The following DMD variants were observed in gnomAD, a reference collection of about 807,000 sequenced individuals.
DMD encodes the protein dystrophin, also known as mutant dystrophin.
In DMD, 63 loss-of-function variants were observed where a neutral mutation model predicts 330.1. That is an observed-to-expected ratio of 0.19 (90% confidence interval 0.16 to 0.24). The LOEUF is 0.24. Ranked by LOEUF, DMD falls within the 10% of genes least tolerant of loss-of-function variation. The probability of loss-of-function intolerance (pLI) is 1.00; values close to 1 mark genes in which losing one functional copy is unlikely to be tolerated. For synonymous variants in DMD, 1,223 were observed against 959.8 expected (o/e 1.27, Z -5.07); for missense variants, 3,344 against 2,684.1 (o/e 1.25, Z -5.43).
chrX:32,747,265 A>T (rs2070161661), intron 7 of DMD, among the ~76,000 whole-genome samples: 2 of 111,632 alleles, frequency 1.8e-5, no homozygotes, highest in Admixed American at 9.5e-5. Flanking sequence ...ATGTTTGGGA[A>T]ATATATTTTA....
chrX:31,616,294 T>C (rs1451443985), intron 55 of DMD, among the ~76,000 whole-genome samples: 1 of 111,738 alleles, frequency 8.9e-6, no homozygotes, highest in Non-Finnish European at 1.9e-5. Context: ...ATGGCTTTCC[T>C]TGAAAAGTAG....
At chrX:32,199,179 T>C (rs1459335142) in intron 44 of DMD, among the ~76,000 whole-genome samples, 1 of 111,802 alleles carries the variant, frequency 8.9e-6, no homozygotes, top group Non-Finnish European at 1.9e-5. Context: ...ATTCAATAAC[T>C]TCCATGGCCA....
intron 51 of DMD, among the ~76,000 whole-genome samples, chrX:31,763,311 C>A (rs1253108078): frequency 8.9e-6 from 1 of 112,381 alleles, no homozygotes; most frequent in African/African-American, 3.2e-5. Flanking sequence ...CGCCTGTAAT[C>A]CCCGCACTTT....
At chrX:31,559,640 C>CAAAAAAAAAAAAA (rs1167550498) in intron 55 of DMD, among the ~76,000 whole-genome samples, 19 of 21,636 alleles carry the variant, frequency 8.8e-4, no homozygotes, top group Non-Finnish European at 1.9e-3. Flanking sequence ...AACTCCGTCT[C>CAAAAAAAAAAAAA]AAAAAAAAAA....
In DMD at chrX:31,366,486, A is replaced by AT. The variant is rs1171389841; in HGVS notation, c.9085-17853_9085-17852insA. Among the ~76,000 whole-genome samples the AT allele has an allele frequency of 9.5e-4, 96 of 101,143 alleles. 1 individual carries two copies. The highest frequency in any genetic ancestry group is 3.2e-3 in the African/African-American group (87 of 27,068). The allele number at this position is 101,143 out of a possible 115,157, so 87.8% of individuals were successfully genotyped here. A position where few individuals can be genotyped will look rare whatever the true frequency, so the allele number is the denominator to read the frequency against. ...TCTCTCTCTCAAAAAAAAAAAAAAA[A>AT]AAAAAAAAAACATAAAAAAAAAAAT... is the stretch of plus-strand genomic sequence containing the variant. On this transcript the variant is annotated intron_variant, in intron 60 of 78. Transcript: ENST00000357033.
chrX:31,430,021 G>A (rs771315926), intron 60 of DMD, among the ~76,000 whole-genome samples: 2 of 111,304 alleles, frequency 1.8e-5, no homozygotes, highest in South Asian at 3.8e-4. Context: ...TTCTCTAGAC[G>A]AGAAAAACCT....
chrX:32,345,340 T>G (rs1258940845), intron 39 of DMD, among the ~76,000 whole-genome samples: 1 of 111,664 alleles, frequency 9.0e-6, no homozygotes, highest in Non-Finnish European at 1.9e-5. Flanking sequence ...ACCTGGGGAC[T>G]TGAAGCCATA....
intron 9 of DMD, among the ~76,000 whole-genome samples, chrX:32,688,396 C>A (rs1603032620): frequency 8.9e-6 from 1 of 112,236 alleles, no homozygotes; most frequent in East Asian, 2.8e-4. Context: ...TAAAAATGGA[C>A]TTTCATTCTA....
At chrX:31,915,710 C>A (rs2094601059) in intron 47 of DMD, among the ~76,000 whole-genome samples, 1 of 111,481 alleles carries the variant, frequency 9.0e-6, no homozygotes, top group Admixed American at 9.6e-5. Context: ...TCTTTGTGAC[C>A]CTCTAGACTA....
intron 61 of DMD, among the ~76,000 whole-genome samples, chrX:31,343,709 G>C (rs1414808294): frequency 9.2e-6 from 1 of 109,035 alleles, no homozygotes; most frequent in African/African-American, 3.3e-5. Flanking sequence ...GTTTACGCTG[G>C]CGGGTGCAAT....
At chrX:32,633,094 T>C (rs2058852443) in intron 11 of DMD, among the ~76,000 whole-genome samples, 3 of 112,350 alleles carry the variant, frequency 2.7e-5, no homozygotes. Flanking sequence ...AACCTGCACG[T>C]TCTGCACATG....
At chrX:32,328,325 C>T (rs1322297698) in intron 41 of DMD, among the ~76,000 whole-genome samples, 3 of 111,634 alleles carry the variant, frequency 2.7e-5, no homozygotes, top group African/African-American at 9.7e-5. Flanking sequence ...AATATTTATA[C>T]ACAAGAAAAT....
chrX:32,759,846 G>A (rs1203918502), intron 7 of DMD, among the ~76,000 whole-genome samples: 2 of 4,036 alleles, frequency 5.0e-4, no homozygotes, highest in Middle Eastern at 0.048. Context: ...TTTTTCTTGG[G>A]GGGGGGGGGG....
chrX:32,937,514 G>A (rs966482837), intron 2 of DMD, among the ~76,000 whole-genome samples: 1 of 103,919 alleles, frequency 9.6e-6, no homozygotes, highest in Non-Finnish European at 2.0e-5. Flanking sequence ...AATCTAGTAT[G>A]TTGAGTTGGT....
At chrX:33,075,151 G>A (rs934864631) in intron 1 of DMD, among the ~76,000 whole-genome samples, 3 of 111,666 alleles carry the variant, frequency 2.7e-5, no homozygotes, top group African/African-American at 9.8e-5. Context: ...TGAGATATCT[G>A]TTCAGATATA....
intron 29 of DMD, among the ~76,000 whole-genome samples, chrX:32,433,459 C>G (rs990867541): frequency 2.3e-4 from 26 of 112,037 alleles, no homozygotes; most frequent in Admixed American, 2.0e-3. Flanking sequence ...GGGCGGATAA[C>G]CTGAGGTCAG....
intron 17 of DMD, among the ~76,000 whole-genome samples, chrX:32,522,571 T>A (rs962847765): frequency 4.5e-5 from 5 of 112,231 alleles, no homozygotes; most frequent in African/African-American, 1.3e-4. Context: ...CCTTCATTCG[T>A]AAAACCACTC....
At chrX:33,042,267 C>T (rs770393590) in intron 1 of DMD, among the ~76,000 whole-genome samples, 1 of 111,915 alleles carries the variant, frequency 8.9e-6, no homozygotes, top group Non-Finnish European at 1.9e-5. Context: ...CCCTTCTCAA[C>T]AGCCTAGGAT....
intron 2 of DMD, among the ~76,000 whole-genome samples, chrX:32,879,021 A>AAAAAAAAAAAAAAC (rs1352069437): frequency 7.9e-5 from 8 of 101,770 alleles, no homozygotes; most frequent in African/African-American, 2.5e-4. Flanking sequence ...AAAAAAACAA[A>AAAAAAAAAAAAAAC]AAACAAAAAA....
Sources: gnomAD v4.1 joint callset for allele counts (sites outside exome capture counted in the v4.1 genomes callset) on GRCh38, gnomAD v4.1.1 for gene constraint, MANE v1.5 for transcripts, NCBI Gene and HGNC (gene_info 2026-07-23, HGNC 2026-07-21) for gene names.